NPAS3: variants seen among roughly 807,000 people sequenced by gnomAD.
NPAS3 encodes neuronal PAS domain protein 3.
A neutral mutation model predicts 73.1 loss-of-function variants in NPAS3; 14 were observed. That is an observed-to-expected ratio of 0.19 (90% CI 0.13 to 0.30). The LOEUF (loss-of-function observed/expected upper bound fraction) is 0.30. Among genes scored for constraint, NPAS3 ranks in the 10% least tolerant of loss-of-function variants. NPAS3 has a pLI of 1.00. For synonymous variants in NPAS3, 620 were observed against 541.5 expected (o/e 1.14, Z -2.01); for missense variants, 1,096 against 1,250.0 (o/e 0.88, Z 1.86).
chr14:33,454,655 G>A (rs1222327800), intron 4 of NPAS3, among the ~76,000 whole-genome samples: 1 of 152,170 alleles, frequency 6.6e-6, no homozygotes, highest in Non-Finnish European at 1.5e-5. Flanking sequence ...GTATTTGAGA[G>A]CTGCAAAGGG....
intron 3 of NPAS3, among the ~76,000 whole-genome samples, chr14:33,361,711 T>A (rs944333156): frequency 3.9e-5 from 6 of 152,212 alleles, no homozygotes; most frequent in Non-Finnish European, 8.8e-5. Context: ...TTTGTCTAAA[T>A]TGGTGATATA....
intron 9 of NPAS3, among the ~76,000 whole-genome samples, chr14:33,786,897 C>T (rs2138582047): frequency 6.6e-6 from 1 of 152,262 alleles, no homozygotes; most frequent in South Asian, 2.1e-4. Context: ...ACATTTTGCA[C>T]ACTCTGATAT....
chr14:33,754,993 G>A (rs543380003), intron 7 of NPAS3, among the ~76,000 whole-genome samples: 1 of 152,286 alleles, frequency 6.6e-6, no homozygotes, highest in Admixed American at 6.5e-5. Context: ...GACACATATT[G>A]TTGTTTTGGG....
chr14:33,511,342 T>C (rs1323340280), intron 4 of NPAS3, among the ~76,000 whole-genome samples: 3 of 152,212 alleles, frequency 2.0e-5, no homozygotes, highest in Admixed American at 1.3e-4. Context: ...TTATACATTA[T>C]ACAACTTCCT....
At chr14:33,514,662 A>G (rs1885262) in intron 4 of NPAS3, among the ~76,000 whole-genome samples, 93,057 of 151,916 alleles carry the variant, frequency 0.61, 28,628 homozygotes, top group South Asian at 0.74. Context: ...ATGAAATAAA[A>G]CTCTGTCAAA....
intron 5 of NPAS3, among the ~76,000 whole-genome samples, chr14:33,568,279 C>T (rs576639896): frequency 8.3e-4 from 127 of 152,178 alleles, no homozygotes; most frequent in Middle Eastern, 3.4e-3. Context: ...AATAATGAAA[C>T]GGTGTTTTTC....
intron 2 of NPAS3, among the ~76,000 whole-genome samples, chr14:33,198,213 G>A (rs993162142): frequency 6.6e-6 from 1 of 152,198 alleles, no homozygotes; most frequent in East Asian, 1.9e-4. Context: ...TTATTGCAAA[G>A]AGCAAAAGAA....
chr14:33,456,884 TC>T (rs1472618367), intron 4 of NPAS3, among the ~76,000 whole-genome samples: 2 of 152,088 alleles, frequency 1.3e-5, no homozygotes, highest in African/African-American at 4.8e-5. Context: ...ACCAGAAGGC[TC>T]CTCAGCTTCC....
intron 3 of NPAS3, among the ~76,000 whole-genome samples, chr14:33,315,750 A>C (rs1341709110): frequency 6.6e-6 from 1 of 151,934 alleles, no homozygotes; most frequent in Non-Finnish European, 1.5e-5. Context: ...GGGAAAAGCT[A>C]TGGGGGTAAG....
At chr14:33,420,301 A>T (rs138311378) in intron 4 of NPAS3, among the ~76,000 whole-genome samples, 20 of 152,130 alleles carry the variant, frequency 1.3e-4, no homozygotes, top group African/African-American at 4.8e-4. Context: ...GCATTTATGC[A>T]TTCAACTTCT....
intron 6 of NPAS3, among the ~76,000 whole-genome samples, chr14:33,727,235 T>G (rs1178992334): frequency 1.3e-5 from 2 of 152,102 alleles, no homozygotes; most frequent in Admixed American, 1.3e-4. Flanking sequence ...GATTCATGTA[T>G]ATAAAATAGT....
chr14:33,744,695 C>T (rs1226955352), intron 7 of NPAS3, among the ~76,000 whole-genome samples: 1 of 152,120 alleles, frequency 6.6e-6, no homozygotes, highest in Admixed American at 6.5e-5. Flanking sequence ...GAGGCTGAGG[C>T]AGGAGGACTG....
intron 2 of NPAS3, among the ~76,000 whole-genome samples, chr14:33,185,716 A>C (rs17555271): frequency 6.6e-6 from 1 of 152,124 alleles, no homozygotes; most frequent in Non-Finnish European, 1.5e-5. Context: ...AGTGGACCTT[A>C]TTGTAATACT....
intron 1 of NPAS3, among the ~76,000 whole-genome samples, chr14:32,944,699 T>C (rs1240413949): frequency 6.6e-6 from 1 of 152,188 alleles, no homozygotes; most frequent in Non-Finnish European, 1.5e-5. Context: ...GTAGTAATAT[T>C]AGTAATACTA....
chr14:33,300,680 G>T (rs955355339), intron 3 of NPAS3, among the ~76,000 whole-genome samples: 1 of 152,166 alleles, frequency 6.6e-6, no homozygotes, highest in Non-Finnish European at 1.5e-5. Context: ...CCATAGAGCA[G>T]GGGAGAGGCT....
At chr14:33,339,969 T>C (rs2044396423) in intron 3 of NPAS3, among the ~76,000 whole-genome samples, 1 of 152,186 alleles carries the variant, frequency 6.6e-6, no homozygotes, top group African/African-American at 2.4e-5. Flanking sequence ...CATAAAACCA[T>C]GTGAGGCAGA....
chr14:33,516,042 A>C (rs1432438203), intron 4 of NPAS3, among the ~76,000 whole-genome samples: 2 of 151,988 alleles, frequency 1.3e-5, no homozygotes, highest in Non-Finnish European at 2.9e-5. Flanking sequence ...ACATACATGC[A>C]CACACTCTTA....
At chr14:33,264,046 G>T (rs965229505) in intron 3 of NPAS3, among the ~76,000 whole-genome samples, 4 of 152,122 alleles carry the variant, frequency 2.6e-5, no homozygotes. Context: ...TGATAGACTG[G>T]ATTAAGAAAA....
chr14:33,479,472 A>G (rs1047360142), intron 4 of NPAS3, among the ~76,000 whole-genome samples: 3 of 152,150 alleles, frequency 2.0e-5, no homozygotes, highest in Admixed American at 2.0e-4. Context: ...TCACTCTGTC[A>G]CATCATTAAT....
Sources: allele counts gnomAD v4.1 joint callset (sites outside exome capture counted in the v4.1 genomes callset), GRCh38; gene constraint gnomAD v4.1.1; transcripts MANE v1.5; gene names NCBI Gene and HGNC (gene_info 2026-07-23, HGNC 2026-07-21).